Variants in MARCHF1 observed in about 807,000 individuals in gnomAD.
The protein encoded by MARCHF1 is membrane associated ring-CH-type finger 1.
A neutral mutation model predicts 54.2 loss-of-function variants in MARCHF1; 40 were observed. The ratio of observed to expected loss-of-function variants is 0.74; its 90% CI spans 0.57 to 0.96. The LOEUF is 0.96. Ranked by LOEUF, MARCHF1 falls within the 40% of genes least tolerant of loss-of-function variation. The pLI is 0.00. For synonymous variants in MARCHF1, 236 were observed against 236.3 expected, an observed-to-expected ratio of 1.00 and a Z score of 0.01; for missense variants, 586 against 656.5, an observed-to-expected ratio of 0.89 and a Z score of 1.17.
chr4:163,733,167 C>T (rs1279521825), intron 4 of MARCHF1, among the ~76,000 whole-genome samples: 1 of 63,260 alleles, frequency 1.6e-5, no homozygotes, highest in African/African-American at 7.7e-5. Context: ...CTCTCTCTCT[C>T]TGTATGTGTG....
At chr4:164,255,280 A>C (rs1733246263) in intron 1 of MARCHF1, among the ~76,000 whole-genome samples, 1 of 152,116 alleles carries the variant, frequency 6.6e-6, no homozygotes, top group African/African-American at 2.4e-5. Flanking sequence ...GAAGTTTAAA[A>C]AATAAAAATC....
At chr4:164,163,037 C>T (rs1219427591) in intron 1 of MARCHF1, among the ~76,000 whole-genome samples, 2 of 151,924 alleles carry the variant, frequency 1.3e-5, no homozygotes, top group Non-Finnish European at 2.9e-5. Context: ...GTGAAAATAT[C>T]ATACATGAAG....
chr4:163,867,337 A>T (rs1020824177), intron 3 of MARCHF1, among the ~76,000 whole-genome samples: 1 of 151,966 alleles, frequency 6.6e-6, no homozygotes, highest in Non-Finnish European at 1.5e-5. Flanking sequence ...TTGCCATCTA[A>T]TTTCTTTGTT....
chr4:163,796,233 T>G (rs1747912275), intron 4 of MARCHF1, among the ~76,000 whole-genome samples: 1 of 144,752 alleles, frequency 6.9e-6, no homozygotes, highest in East Asian at 2.0e-4. Flanking sequence ...TTTTTTTTTT[T>G]TTTTTTTTTT....
intron 3 of MARCHF1, among the ~76,000 whole-genome samples, chr4:163,965,041 G>A (rs1752415691): frequency 6.6e-6 from 1 of 151,970 alleles, no homozygotes; most frequent in South Asian, 2.1e-4. Context: ...TCAGAATTAT[G>A]TCTGTAAATT....
intron 2 of MARCHF1, among the ~76,000 whole-genome samples, chr4:164,092,644 A>C (rs141738641): frequency 1.6e-4 from 24 of 152,178 alleles, no homozygotes; most frequent in Non-Finnish European, 2.8e-4. Context: ...TTTCGTCTGC[A>C]GTGCTTCAGA....
chr4:164,193,641 G>A (rs1202299196), intron 1 of MARCHF1, among the ~76,000 whole-genome samples: 1 of 152,128 alleles, frequency 6.6e-6, no homozygotes, highest in African/African-American at 2.4e-5. Flanking sequence ...GATGTTCTAT[G>A]AGGGCAGTTT....
intron 3 of MARCHF1, among the ~76,000 whole-genome samples, chr4:163,883,312 T>G (rs965032094): frequency 6.6e-6 from 1 of 150,812 alleles, no homozygotes; most frequent in African/African-American, 2.4e-5. Flanking sequence ...TTATTGTTGA[T>G]CCATATTAAA....
intron 1 of MARCHF1, among the ~76,000 whole-genome samples, chr4:164,261,647 G>A (rs2111277626): frequency 6.6e-6 from 1 of 152,170 alleles, no homozygotes; most frequent in South Asian, 2.1e-4. Flanking sequence ...CCACTTCTTG[G>A]AATGCTTTCC....
chr4:164,149,986 G>T (rs1025390742), intron 1 of MARCHF1, among the ~76,000 whole-genome samples: 1 of 152,042 alleles, frequency 6.6e-6, no homozygotes, highest in Non-Finnish European at 1.5e-5. Context: ...TACTCAATAG[G>T]ATAAATTATT....
intron 2 of MARCHF1, among the ~76,000 whole-genome samples, chr4:164,074,245 A>G (rs1385330625): frequency 6.6e-6 from 1 of 152,156 alleles, no homozygotes; most frequent in East Asian, 1.9e-4. Flanking sequence ...AAGCTTTACC[A>G]CCACCTTTAA....
intron 3 of MARCHF1, among the ~76,000 whole-genome samples, chr4:163,880,292 CTT>C (rs953908356): frequency 6.6e-6 from 1 of 150,986 alleles, no homozygotes; most frequent in African/African-American, 2.4e-5. Context: ...ATTTAAATAA[CTT>C]TTCAGAAAAT....
At chr4:163,981,618 CTG>C (rs902707577) in intron 3 of MARCHF1, among the ~76,000 whole-genome samples, 38 of 152,274 alleles carry the variant, frequency 2.5e-4, no homozygotes, top group African/African-American at 9.1e-4. Context: ...GAAAGCAATG[CTG>C]TCAGTCTGTG....
At chr4:163,879,292 T>G (rs1750362641) in intron 3 of MARCHF1, among the ~76,000 whole-genome samples, 1 of 152,122 alleles carries the variant, frequency 6.6e-6, no homozygotes, top group Non-Finnish European at 1.5e-5. Context: ...GCTCAGAACA[T>G]CAGCATGGCT....
chr4:164,228,135 T>C (rs147570717), intron 1 of MARCHF1, among the ~76,000 whole-genome samples: 1 of 152,332 alleles, frequency 6.6e-6, no homozygotes, highest in East Asian at 1.9e-4. Flanking sequence ...ACTGACGATG[T>C]TGGTGGCAAC....
intron 3 of MARCHF1, among the ~76,000 whole-genome samples, chr4:163,869,647 G>A (rs537795776): frequency 2.6e-5 from 4 of 152,116 alleles, no homozygotes; most frequent in Admixed American, 6.5e-5. Context: ...ACCTTTCCAA[G>A]CAGTTTACCC....
At chr4:163,718,400 C>G (rs184032157) in intron 4 of MARCHF1, among the ~76,000 whole-genome samples, 1 of 152,112 alleles carries the variant, frequency 6.6e-6, no homozygotes, top group South Asian at 2.1e-4. Flanking sequence ...TTGCAATCTA[C>G]GCATCTGACA....
chr4:163,586,048 T>A, intron 7 of MARCHF1, 119 bp from the exon 8 acceptor site: 1 of 795,218 alleles, frequency 1.3e-6, no homozygotes, highest in Non-Finnish European at 1.9e-6. Flanking sequence ...TTAGAACACA[T>A]GGACATTTTA....
chr4:163,730,509 A>T (rs1745794504), intron 4 of MARCHF1, among the ~76,000 whole-genome samples: 1 of 151,802 alleles, frequency 6.6e-6, no homozygotes, highest in Non-Finnish European at 1.5e-5. Context: ...TTGTGTGGTA[A>T]CTCTGGAAAT....
Sources: allele counts gnomAD v4.1 joint callset (sites outside exome capture counted in the v4.1 genomes callset), GRCh38; gene constraint gnomAD v4.1.1; transcripts MANE v1.5; gene names NCBI Gene and HGNC (gene_info 2026-07-23, HGNC 2026-07-21).